The following PPP3R1 variants were observed in gnomAD, a reference collection of about 807,000 sequenced individuals.
PPP3R1 encodes protein phosphatase 3 regulatory subunit B, alpha, also known as calcineurin subunit B type 1.
Under a neutral mutation model 22.6 loss-of-function variants are expected in PPP3R1, and 5 were observed. The ratio of observed to expected loss-of-function variants is 0.22; its 90% CI spans 0.12 to 0.46. The LOEUF (loss-of-function observed/expected upper bound fraction) is 0.46, where lower values mean the gene tolerates loss of function less well. Ranked by LOEUF, PPP3R1 falls within the 20% of genes least tolerant of loss-of-function variation. The pLI, the probability that PPP3R1 is intolerant of heterozygous loss-of-function variation, is 0.99. For missense variants in PPP3R1, 61 were observed against 203.2 expected, an observed-to-expected ratio of 0.30 and a Z score of 4.25; for synonymous variants, 56 against 65.2, an observed-to-expected ratio of 0.86 and a Z score of 0.68.
chr2:68,189,316 TAAC>T (rs1368389419), intron 2 of PPP3R1, among the ~76,000 whole-genome samples: 1 of 152,106 alleles, frequency 6.6e-6, no homozygotes, highest in Non-Finnish European at 1.5e-5. Context: ...AGTTTTTACT[TAAC>T]AACCAAATAG....
chr2:68,235,141 C>A (rs570204523), intron 1 of PPP3R1, among the ~76,000 whole-genome samples: 2 of 152,280 alleles, frequency 1.3e-5, no homozygotes, highest in South Asian at 4.1e-4. Flanking sequence ...GAAGAATAAT[C>A]TATTATGGGT....
Position 68,191,168 on chromosome 2 carries a change from T to C in PPP3R1, c.44-2478A>G, listed in dbSNP as rs143593396. On this transcript the variant is annotated intron_variant, in intron 2 of 5. Transcript: ENST00000234310. ...AGTCATGAGTCACTTAACGATGGGG[T>C]TACACTGAGAAACACATCATTAGAT... 3.3e-3 allele frequency among the ~76,000 whole-genome samples: 497 copies of C among 152,146 alleles called. 9 individuals are homozygous for C. Among genetic ancestry groups the C allele is most frequent in the Middle Eastern group, 6.8e-3 (2 of 292 alleles).
intron 1 of PPP3R1, among the ~76,000 whole-genome samples, chr2:68,223,353 G>T (rs1034244451): frequency 1.3e-5 from 2 of 152,140 alleles, no homozygotes; most frequent in African/African-American, 4.8e-5. Context: ...CTGAGATCAC[G>T]CCACTACACT....
At chr2:68,221,425 T>C (rs566882189) in intron 1 of PPP3R1, among the ~76,000 whole-genome samples, 12 of 150,526 alleles carry the variant, frequency 8.0e-5, no homozygotes, top group Admixed American at 5.9e-4. Context: ...TTGAGCCTGA[T>C]AGGTCAAGGG....
At chr2:68,188,438 T>G in intron 3 of PPP3R1, 76 bp downstream of exon 3, 2 of 1,251,120 alleles carry the variant, frequency 1.6e-6, no homozygotes, top group Non-Finnish European at 2.2e-6. Flanking sequence ...GCACTTTTTT[T>G]TTTTTTTTAC....
intron 1 of PPP3R1, among the ~76,000 whole-genome samples, chr2:68,248,230 C>T (rs1670274048): frequency 6.6e-6 from 1 of 152,132 alleles, no homozygotes; most frequent in South Asian, 2.1e-4. Context: ...TTTCAAGACT[C>T]AGTTCAGACA....
intron 2 of PPP3R1, among the ~76,000 whole-genome samples, chr2:68,208,603 A>G (rs984401951): frequency 6.6e-6 from 1 of 152,226 alleles, no homozygotes; most frequent in African/African-American, 2.4e-5. Flanking sequence ...TTTAAAATAG[A>G]AACATACATG....
chr2:68,184,088 T>C (rs1674478681), intron 5 of PPP3R1, among the ~76,000 whole-genome samples: 1 of 152,176 alleles, frequency 6.6e-6, no homozygotes, highest in Non-Finnish European at 1.5e-5. Flanking sequence ...GCCTCATGTT[T>C]CCCAGCCTAG....
intron 5 of PPP3R1, 133 bp downstream of exon 5, chr2:68,186,335 A>C: frequency 2.5e-6 from 2 of 803,042 alleles, no homozygotes; most frequent in Non-Finnish European, 3.9e-6. Context: ...ACACATTTCA[A>C]AACAATACGG....
chr2:68,240,749 A>G (rs1670107547), intron 1 of PPP3R1, among the ~76,000 whole-genome samples: 1 of 152,230 alleles, frequency 6.6e-6, no homozygotes, highest in Non-Finnish European at 1.5e-5. Context: ...AAGTAGGAAC[A>G]TGGTGGAAGG....
intron 1 of PPP3R1, among the ~76,000 whole-genome samples, chr2:68,231,917 G>C (rs562775961): frequency 4.0e-5 from 6 of 151,508 alleles, no homozygotes; most frequent in Non-Finnish European, 5.9e-5. Context: ...GTGTCCTGGG[G>C]ATCCCCAAGT....
intron 2 of PPP3R1, among the ~76,000 whole-genome samples, chr2:68,208,732 C>T (rs183619579): frequency 5.3e-5 from 8 of 151,642 alleles, no homozygotes; most frequent in African/African-American, 1.5e-4. Context: ...GCCAGGAGTT[C>T]GAGACCAGCC....
intron 1 of PPP3R1, among the ~76,000 whole-genome samples, chr2:68,247,457 T>C (rs890244873): frequency 2.6e-5 from 4 of 152,200 alleles, no homozygotes; most frequent in South Asian, 2.1e-4. Flanking sequence ...TATCAAGTTC[T>C]TTCTGTTTCT....
intron 2 of PPP3R1, among the ~76,000 whole-genome samples, chr2:68,192,651 T>C (rs753668685): frequency 8.5e-5 from 13 of 152,130 alleles, no homozygotes; most frequent in Non-Finnish European, 1.8e-4. Flanking sequence ...AAAATCATAA[T>C]CATAAATCAA....
At chr2:68,226,798 T>A (rs1669790489) in intron 1 of PPP3R1, among the ~76,000 whole-genome samples, 1 of 152,142 alleles carries the variant, frequency 6.6e-6, no homozygotes, top group African/African-American at 2.4e-5. Context: ...TAAGCATCAA[T>A]GCGTTAAAGT....
chr2:68,245,041 T>A (rs1447106258), intron 1 of PPP3R1, among the ~76,000 whole-genome samples: 1 of 152,228 alleles, frequency 6.6e-6, no homozygotes, highest in Non-Finnish European at 1.5e-5. Context: ...TCTTCATCTT[T>A]ACAACTATCC....
intron 5 of PPP3R1, among the ~76,000 whole-genome samples, chr2:68,185,089 T>C (rs1192265869): frequency 6.6e-6 from 1 of 151,950 alleles, no homozygotes; most frequent in Non-Finnish European, 1.5e-5. Context: ...CCTGGTGGCA[T>C]GTGCCTGTAA....
intron 1 of PPP3R1, among the ~76,000 whole-genome samples, chr2:68,226,606 T>G (rs533184107): frequency 6.6e-6 from 1 of 152,168 alleles, no homozygotes; most frequent in South Asian, 2.1e-4. Flanking sequence ...ACACTTACAG[T>G]AATCTTGACA....
chr2:68,202,439 T>TTGTTGTTG (rs1558632451), intron 2 of PPP3R1, among the ~76,000 whole-genome samples: 1 of 93,970 alleles, frequency 1.1e-5, no homozygotes, highest in East Asian at 2.5e-4. Context: ...TGTTGTTGTT[T>TTGTTGTTG]TTTGAGATGG....
Sources: allele counts gnomAD v4.1 joint callset (sites outside exome capture counted in the v4.1 genomes callset), GRCh38; gene constraint gnomAD v4.1.1; transcripts MANE v1.5; gene names NCBI Gene and HGNC (gene_info 2026-07-23, HGNC 2026-07-21).